Variants in CRTC3 observed in about 807,000 individuals in gnomAD.
The protein encoded by CRTC3 is CREB regulated transcription coactivator 3, also known as CREB-regulated transcription coactivator 3.
A neutral mutation model predicts 74.5 loss-of-function variants in CRTC3; 26 were observed. The ratio of observed to expected loss-of-function variants is 0.35; its 90% CI spans 0.26 to 0.48. The LOEUF (loss-of-function observed/expected upper bound fraction) is 0.48. Ranked by LOEUF, CRTC3 falls within the 20% of genes least tolerant of loss-of-function variation. CRTC3 has a pLI of 0.99. For missense variants in CRTC3, 760 were observed against 787.3 expected (o/e 0.97, Z 0.41); for synonymous variants, 377 against 325.8 (o/e 1.16, Z -1.69).
chr15:90,625,383 T>C (rs1968797718), intron 9 of CRTC3, among the ~76,000 whole-genome samples: 1 of 152,266 alleles, frequency 6.6e-6, no homozygotes, highest in African/African-American at 2.4e-5. Context: ...GAAGGTATAT[T>C]GGAAGGTAGC....
rs775931547 is a variant in CRTC3, at chr15:90,629,236, C to G, written c.970C>G (p.Leu324Val). ...THLGIRSSSG[L>V]QSSRSNPSIQ... Reference sequence around the variant, plus strand: ...CTTGTGAATTTGTTGTCTTCCAGGTCTCCAGAGTTCTCGGAGTAACCCCTC... The same window carrying G: ...CTTGTGAATTTGTTGTCTTCCAGGTGTCCAGAGTTCTCGGAGTAACCCCTC... The change falls in exon 11 of 15, where the codon CTC (leucine) becomes GTC (valine). Residue 324 changes from leucine to valine, a missense_variant and splice_region_variant. By Grantham distance (32) the Leu-to-Val change is conservative (BLOSUM62 1). Transcript: ENST00000268184. The G allele has an allele frequency of 1.2e-6, 2 of 1,610,336 alleles. No individual in the cohort carries two copies. The highest frequency in any genetic ancestry group is 1.7e-6 in the Non-Finnish European group (2 of 1,177,000).
At chr15:90,618,955 C>G (rs926090052) in intron 8 of CRTC3, among the ~76,000 whole-genome samples, 2 of 152,228 alleles carry the variant, frequency 1.3e-5, no homozygotes, top group Non-Finnish European at 2.9e-5. Context: ...GCCCTCCTCC[C>G]TGAGTACCAG....
At chr15:90,554,220 T>G (rs1403658647) in intron 2 of CRTC3, among the ~76,000 whole-genome samples, 1 of 152,034 alleles carries the variant, frequency 6.6e-6, no homozygotes, top group Non-Finnish European at 1.5e-5. Flanking sequence ...TTTTTTTTTT[T>G]TGAGTCAGAG....
rs536701803 is a variant in CRTC3, at chr15:90,643,044, C to G, written c.*904C>G. 2 of 232,456 alleles carry G rather than the reference C, an allele frequency of 8.6e-6. No homozygotes were observed. The highest frequency in any genetic ancestry group is 1.8e-4 in the South Asian group (1 of 5,524). The allele number at this position is 232,456 out of a possible 1,614,324, so 14.4% of individuals were successfully genotyped here. On this transcript the variant is annotated 3_prime_UTR_variant, in exon 15 of 15. Coordinates refer to ENST00000268184, the MANE Select transcript of CRTC3 (RefSeq NM_022769.5). ...ACCGAGCAACTGAGCTTCCCCATCC[C>G]TCCCCAGAGCTGTGTCTCTGTGGGC... is the stretch of plus-strand genomic sequence containing the variant.
intron 10 of CRTC3, among the ~76,000 whole-genome samples, chr15:90,626,474 A>G (rs372387346): frequency 3.0e-4 from 46 of 152,348 alleles, no homozygotes; most frequent in African/African-American, 1.1e-3. Flanking sequence ...AATCCCCCAC[A>G]GTTCCAGTTA....
At chr15:90,604,150 T>G in intron 4 of CRTC3, 1 of 454,498 alleles carries the variant, frequency 2.2e-6, no homozygotes, top group Non-Finnish European at 4.1e-6. Context: ...CTGTGCCTTA[T>G]GGGTTTGTAG....
intron 9 of CRTC3, among the ~76,000 whole-genome samples, chr15:90,623,979 A>G (rs186883144): frequency 6.6e-6 from 1 of 152,164 alleles, no homozygotes; most frequent in Non-Finnish European, 1.5e-5. Flanking sequence ...CTAAGCTCAG[A>G]TGTCCTCCAA....
In CRTC3 at chr15:90,564,904, ACCTTCCTTCCTTCCTTCCTT is replaced by A. The variant is rs71154112; in HGVS notation, c.231+24804_231+24823del. The stretch of plus-strand genomic sequence containing the variant: ...AGCCTTGTGTTCAACAATTTAACCA[ACCTTCCTTCCTTCCTTCCTT>A]CCTTCCTTCCTTCCTTCCTTCCTTC... On this transcript the variant is annotated intron_variant, in intron 2 of 14. Transcript: ENST00000268184. 6.1e-4 allele frequency among the ~76,000 whole-genome samples: 90 copies of A among 146,480 alleles called. 1 individual carries two copies. The highest frequency in any genetic ancestry group is 1.9e-3 in the African/African-American group (75 of 38,604).
At chr15:90,549,891 A>G (rs2151060813) in intron 2 of CRTC3, among the ~76,000 whole-genome samples, 1 of 149,978 alleles carries the variant, frequency 6.7e-6, no homozygotes, top group Non-Finnish European at 1.5e-5. Context: ...TTTAGTAGAG[A>G]CAGGGTTTCA....
At chr15:90,600,355 C>T (rs967105652) in intron 3 of CRTC3, 1 of 152,254 alleles carries the variant, frequency 6.6e-6, no homozygotes, top group African/African-American at 2.4e-5. Flanking sequence ...AGGATAGGGC[C>T]CCACTCCATC....
intron 2 of CRTC3, among the ~76,000 whole-genome samples, chr15:90,580,909 A>T (rs556611027): frequency 8.7e-5 from 13 of 150,068 alleles, no homozygotes; most frequent in East Asian, 3.9e-4. Context: ...ATGATGAATT[A>T]AAAAAAAAAA....
Position 90,601,899 on chromosome 15 carries a change from A to C in CRTC3, c.352-425A>C, listed in dbSNP as rs909973409. 1.2e-4 allele frequency among the ~76,000 whole-genome samples: 18 copies of C among 151,534 alleles called. 1 individual carries two copies. The highest frequency in any genetic ancestry group is 1.5e-5 in the Non-Finnish European group (1 of 67,888). Reference sequence around the variant, plus strand: ...CTATTGGGGCACTCCTTTTTTTTCCACTCAAAAGCACTCTCCTTGGTTCTG... The same window carrying C: ...CTATTGGGGCACTCCTTTTTTTTCCCCTCAAAAGCACTCTCCTTGGTTCTG... On this transcript the variant is annotated intron_variant, in intron 3 of 14. Transcript: ENST00000268184.
chr15:90,573,096 TTC>T (rs1164597100), intron 2 of CRTC3, among the ~76,000 whole-genome samples: 2 of 152,198 alleles, frequency 1.3e-5, no homozygotes, highest in Non-Finnish European at 2.9e-5. Context: ...CCATTCTACT[TTC>T]TGTTTCTATG....
chr15:90,581,136 C>T (rs2151073325), intron 2 of CRTC3, among the ~76,000 whole-genome samples: 1 of 152,120 alleles, frequency 6.6e-6, no homozygotes, highest in Admixed American at 6.5e-5. Flanking sequence ...GGCTAGATGG[C>T]CTTTGGTGAG....
At chr15:90,641,685 C>CAAAAAAAAAAAAAAA (rs11294553) in intron 14 of CRTC3, among the ~76,000 whole-genome samples, 2 of 132,926 alleles carry the variant, frequency 1.5e-5, no homozygotes, top group African/African-American at 5.5e-5. Flanking sequence ...CAACAGTCTC[C>CAAAAAAAAAAAAAAA]AAAAAAAAAA....
chr15:90,540,430 C>G lies in CRTC3; in HGVS notation c.231+293C>G, dbSNP rs145208037. On this transcript the variant is annotated intron_variant, in intron 2 of 14. Transcript: ENST00000268184. ...AAACACGTGGGGTTAATTTTAATAT[C>G]TATATTTTTCAAAATGCAGCTTTCT... Among the ~76,000 whole-genome samples, 368 of 152,268 alleles carry G rather than the reference C, an allele frequency of 2.4e-3. 4 individuals are homozygous for G. The highest frequency in any genetic ancestry group is 8.5e-3 in the African/African-American group (355 of 41,530).
intron 2 of CRTC3, among the ~76,000 whole-genome samples, chr15:90,581,906 G>A (rs114390864): frequency 0.018 from 2,715 of 152,152 alleles, 74 homozygotes; most frequent in African/African-American, 0.059. Context: ...TATTTCCTAC[G>A]GCAGGAAGAG....
intron 2 of CRTC3, among the ~76,000 whole-genome samples, chr15:90,551,930 G>GCACACACACACACGCACACA (rs1966858705): frequency 1.1e-5 from 1 of 93,794 alleles, no homozygotes; most frequent in South Asian, 3.0e-4. Context: ...TTACACACAC[G>GCACACACACACACGCACACA]CACACACACA....
At chr15:90,584,578 C>A (rs1304672433) in intron 2 of CRTC3, among the ~76,000 whole-genome samples, 4 of 152,164 alleles carry the variant, frequency 2.6e-5, no homozygotes, top group Non-Finnish European at 5.9e-5. Context: ...CTCATTATGT[C>A]GTCCAGGGTG....
Sources: allele counts gnomAD v4.1 joint callset (sites outside exome capture counted in the v4.1 genomes callset), GRCh38; gene constraint gnomAD v4.1.1; transcripts MANE v1.5; gene names NCBI Gene and HGNC (gene_info 2026-07-23, HGNC 2026-07-21).